OXR1: variants seen among roughly 807,000 people sequenced by gnomAD.
The protein encoded by OXR1 is oxidation resistance 1.
A neutral mutation model predicts 104.6 loss-of-function variants in OXR1; 41 were observed. The observed-to-expected ratio is 0.39, with a 90% CI of 0.31 to 0.51. The LOEUF (loss-of-function observed/expected upper bound fraction) is 0.51. Among genes scored for constraint, OXR1 ranks in the 20% least tolerant of loss-of-function variants. The pLI, the probability that OXR1 is intolerant of heterozygous loss-of-function variation, is 0.77. For synonymous variants in OXR1, 348 were observed against 348.4 expected (o/e 1.00, Z 0.01); for missense variants, 955 against 1,031.9 (o/e 0.93, Z 1.02).
At chr8:106,684,827 A>T (rs963960450) in intron 6 of OXR1, among the ~76,000 whole-genome samples, 1 of 152,206 alleles carries the variant, frequency 6.6e-6, no homozygotes, top group African/African-American at 2.4e-5. Context: ...TTTATCTAGC[A>T]TTTCTAAGGA....
chr8:106,408,501 A>G (rs1490326243), intron 2 of OXR1, among the ~76,000 whole-genome samples: 1 of 152,182 alleles, frequency 6.6e-6, no homozygotes, highest in Non-Finnish European at 1.5e-5. Flanking sequence ...GGGAGGGAAT[A>G]AGGGATGGCT....
intron 3 of OXR1, among the ~76,000 whole-genome samples, chr8:106,585,610 G>A (rs1362958395): frequency 6.6e-6 from 1 of 152,156 alleles, no homozygotes; most frequent in Non-Finnish European, 1.5e-5. Context: ...TGTAGGGCAT[G>A]AGTAAATTGT....
intron 1 of OXR1, among the ~76,000 whole-genome samples, chr8:106,288,964 C>A (rs2130029661): frequency 6.6e-6 from 1 of 152,092 alleles, no homozygotes; most frequent in East Asian, 1.9e-4. Context: ...CCAGAGAAAT[C>A]CTTGTTTTCA....
At chr8:106,423,399 C>G (rs1400195802) in intron 2 of OXR1, among the ~76,000 whole-genome samples, 1 of 152,114 alleles carries the variant, frequency 6.6e-6, no homozygotes, top group African/African-American at 2.4e-5. Context: ...TTGGAACTGT[C>G]ATTCAAACTA....
intron 3 of OXR1, among the ~76,000 whole-genome samples, chr8:106,590,437 G>A (rs1383273282): frequency 3.3e-5 from 5 of 152,102 alleles, no homozygotes; most frequent in East Asian, 1.9e-4. Flanking sequence ...ACAGGCATGC[G>A]CCACCACACC....
intron 2 of OXR1, among the ~76,000 whole-genome samples, chr8:106,517,966 T>A (rs1414527590): frequency 1.3e-5 from 2 of 152,152 alleles, no homozygotes; most frequent in East Asian, 3.8e-4. Flanking sequence ...CCCTCCATGC[T>A]GAATGGTGTG....
intron 2 of OXR1, among the ~76,000 whole-genome samples, chr8:106,497,493 G>A (rs963224798): frequency 6.6e-5 from 10 of 152,150 alleles, no homozygotes; most frequent in Admixed American, 5.2e-4. Context: ...TATTAGCCAC[G>A]TAGTGATGAG....
At chr8:106,472,830 G>C (rs1353107717) in intron 2 of OXR1, among the ~76,000 whole-genome samples, 1 of 151,674 alleles carries the variant, frequency 6.6e-6, no homozygotes, top group East Asian at 1.9e-4. Flanking sequence ...CACTCCCTAT[G>C]GTCTTTTAGT....
At chr8:106,352,828 A>G (rs1815790982) in intron 1 of OXR1, among the ~76,000 whole-genome samples, 1 of 152,234 alleles carries the variant, frequency 6.6e-6, no homozygotes, top group South Asian at 2.1e-4. Context: ...ATAGCTGGGT[A>G]CAGAGGACAG....
intron 3 of OXR1, among the ~76,000 whole-genome samples, chr8:106,576,712 AAAT>A (rs1286891907): frequency 2.0e-5 from 3 of 152,066 alleles, no homozygotes; most frequent in Admixed American, 6.6e-5. Flanking sequence ...TTGTTTTATA[AAAT>A]AATGATCATA....
intron 1 of OXR1, among the ~76,000 whole-genome samples, chr8:106,309,203 A>C (rs1251740999): frequency 3.3e-5 from 5 of 152,032 alleles, no homozygotes; most frequent in African/African-American, 1.2e-4. Flanking sequence ...GCTGGCCTCA[A>C]ACTCTGGGGC....
chr8:106,581,891 G>T (rs1318034588), intron 3 of OXR1, among the ~76,000 whole-genome samples: 1 of 151,574 alleles, frequency 6.6e-6, no homozygotes, highest in Non-Finnish European at 1.5e-5. Flanking sequence ...GAGTGTGGTG[G>T]CAGGTGCTTG....
At chr8:106,325,852 A>T (rs944018386) in intron 1 of OXR1, among the ~76,000 whole-genome samples, 2 of 152,240 alleles carry the variant, frequency 1.3e-5, no homozygotes, top group African/African-American at 4.8e-5. Flanking sequence ...TTAAAAATTA[A>T]GTTTACTATA....
At chr8:106,683,067 A>G (rs1828338853) in intron 4 of OXR1, 132 bp from the exon 5 acceptor site, 1 of 521,760 alleles carries the variant, frequency 1.9e-6, no homozygotes, top group African/African-American at 1.9e-5. Context: ...CTTGACAGTT[A>G]TTTTCAAAGA....
chr8:106,500,484 A>T (rs1179453436), intron 2 of OXR1, among the ~76,000 whole-genome samples: 1 of 152,198 alleles, frequency 6.6e-6, no homozygotes, highest in Non-Finnish European at 1.5e-5. Context: ...GCTCAAATCA[A>T]TCACGACCCT....
intron 2 of OXR1, among the ~76,000 whole-genome samples, chr8:106,464,853 A>G (rs1320495668): frequency 6.6e-6 from 1 of 152,040 alleles, no homozygotes. Context: ...CTTGTTCTGT[A>G]TCACTGAGGA....
At chr8:106,436,121 A>C (rs1819556066) in intron 2 of OXR1, among the ~76,000 whole-genome samples, 1 of 152,162 alleles carries the variant, frequency 6.6e-6, no homozygotes, top group South Asian at 2.1e-4. Flanking sequence ...TTCATAAAAA[A>C]AATTAGAGCT....
intron 1 of OXR1, among the ~76,000 whole-genome samples, chr8:106,342,311 C>T (rs1815287904): frequency 6.7e-6 from 1 of 150,348 alleles, no homozygotes; most frequent in Non-Finnish European, 1.5e-5. Context: ...AGTGCAGTGG[C>T]ACGATCTCAG....
intron 9 of OXR1, among the ~76,000 whole-genome samples, chr8:106,709,760 TAG>T (rs28921425): frequency 0.13 from 19,945 of 152,120 alleles, 1,570 homozygotes; most frequent in Non-Finnish European, 0.18. Context: ...TATTCTGTAA[TAG>T]AGAAATATTC....
Sources: allele counts gnomAD v4.1 joint callset (sites outside exome capture counted in the v4.1 genomes callset), GRCh38; gene constraint gnomAD v4.1.1; transcripts MANE v1.5; gene names NCBI Gene and HGNC (gene_info 2026-07-23, HGNC 2026-07-21).